The following LRMDA variants were observed in gnomAD, a reference collection of about 807,000 sequenced individuals.
LRMDA encodes leucine rich melanocyte differentiation associated, also known as leucine-rich melanocyte differentiation-associated protein.
In LRMDA, 18 loss-of-function variants were observed where a neutral mutation model predicts 29.8. The ratio of observed to expected loss-of-function variants is 0.60; its 90% CI spans 0.42 to 0.90. The LOEUF is 0.90. Ranked by LOEUF, LRMDA falls within the 40% of genes least tolerant of loss-of-function variation. The pLI is 0.00. For synonymous variants in LRMDA, 125 were observed against 109.4 expected (o/e 1.14, Z -0.89); for missense variants, 273 against 273.9 (o/e 1.00, Z 0.02).
chr10:75,837,742 A>G (rs886179893), intron 2 of LRMDA, among the ~76,000 whole-genome samples: 1 of 148,092 alleles, frequency 6.8e-6, no homozygotes, highest in African/African-American at 2.4e-5. Context: ...TTTACTATCT[A>G]CTATTTACAC....
chr10:75,471,368 G>A (rs966606882), intron 2 of LRMDA, among the ~76,000 whole-genome samples: 2 of 151,766 alleles, frequency 1.3e-5, no homozygotes, highest in African/African-American at 4.8e-5. Flanking sequence ...TGCATACATT[G>A]TAGGAGTTGG....
intron 2 of LRMDA, among the ~76,000 whole-genome samples, chr10:75,636,663 A>G (rs1841393587): frequency 6.6e-6 from 1 of 152,200 alleles, no homozygotes; most frequent in African/African-American, 2.4e-5. Context: ...TTCTTAATTC[A>G]TTAGGTGATA....
At chr10:75,808,624 C>T (rs747932384) in intron 2 of LRMDA, among the ~76,000 whole-genome samples, 5 of 152,174 alleles carry the variant, frequency 3.3e-5, no homozygotes, top group Admixed American at 6.5e-5. Context: ...ATTCTCCTCC[C>T]TCAGCCTCCT....
At chr10:75,621,037 C>A (rs1030154379) in intron 2 of LRMDA, among the ~76,000 whole-genome samples, 1 of 152,108 alleles carries the variant, frequency 6.6e-6, no homozygotes, top group Non-Finnish European at 1.5e-5. Flanking sequence ...CATTCTTATG[C>A]CTTTGTGTCC....
At chr10:76,287,082 T>C (rs1351440216) in intron 5 of LRMDA, among the ~76,000 whole-genome samples, 1 of 152,198 alleles carries the variant, frequency 6.6e-6, no homozygotes, top group Non-Finnish European at 1.5e-5. Flanking sequence ...AGAGATCTTC[T>C]GAAACTAGAA....
intron 6 of LRMDA, among the ~76,000 whole-genome samples, chr10:76,342,790 C>G (rs1471246074): frequency 6.6e-6 from 1 of 152,040 alleles, no homozygotes; most frequent in African/African-American, 2.4e-5. Flanking sequence ...CCAAAGCTGA[C>G]CCCAGAAGAG....
At chr10:76,092,851 A>C (rs1488019784) in intron 5 of LRMDA, among the ~76,000 whole-genome samples, 1 of 152,224 alleles carries the variant, frequency 6.6e-6, no homozygotes, top group Non-Finnish European at 1.5e-5. Context: ...ATCTTGAAGA[A>C]TGAAATAAAA....
intron 2 of LRMDA, among the ~76,000 whole-genome samples, chr10:75,643,717 T>G (rs1179714033): frequency 2.6e-5 from 4 of 152,222 alleles, no homozygotes; most frequent in African/African-American, 9.7e-5. Flanking sequence ...ATTAGAATGA[T>G]GCAATTCTTT....
intron 6 of LRMDA, among the ~76,000 whole-genome samples, chr10:76,532,189 C>A (rs554622390): frequency 1.3e-3 from 194 of 152,252 alleles, no homozygotes; most frequent in African/African-American, 4.3e-3. Context: ...CCCATACCCC[C>A]CGACAGGCCC....
chr10:75,838,347 A>G (rs923001691), intron 2 of LRMDA, among the ~76,000 whole-genome samples: 1 of 152,260 alleles, frequency 6.6e-6, no homozygotes, highest in Non-Finnish European at 1.5e-5. Context: ...TATAATTTCC[A>G]GTGATTCTGA....
intron 5 of LRMDA, chr10:76,318,408 T>C (rs1840727109): frequency 6.6e-6 from 1 of 152,274 alleles, no homozygotes; most frequent in South Asian, 2.1e-4. Flanking sequence ...CTCTGGGCCA[T>C]TGCCTTCAAA....
At chr10:76,140,401 C>T (rs1195123040) in intron 5 of LRMDA, among the ~76,000 whole-genome samples, 1 of 152,094 alleles carries the variant, frequency 6.6e-6, no homozygotes. Flanking sequence ...TGAATACCTA[C>T]CCAGTATATG....
At chr10:76,300,959 A>G (rs1840473010) in intron 5 of LRMDA, among the ~76,000 whole-genome samples, 1 of 152,176 alleles carries the variant, frequency 6.6e-6, no homozygotes, top group Non-Finnish European at 1.5e-5. Flanking sequence ...CTTAGTAACC[A>G]TTAGGCTCCT....
chr10:76,074,065 GA>G (rs1001304781), intron 5 of LRMDA, among the ~76,000 whole-genome samples: 1 of 151,872 alleles, frequency 6.6e-6, no homozygotes, highest in African/African-American at 2.4e-5. Flanking sequence ...CTTTGGGGAG[GA>G]AAAAAAGAGA....
chr10:75,538,580 A>C (rs1204234577), intron 2 of LRMDA, among the ~76,000 whole-genome samples: 2 of 151,650 alleles, frequency 1.3e-5, no homozygotes, highest in East Asian at 1.9e-4. Flanking sequence ...AAAATGTCTC[A>C]GATGGGCATT....
In LRMDA at chr10:76,559,845, C is replaced by A. The variant is rs1328165832; in HGVS notation, c.*2557C>A. 2 of 152,334 alleles carry A rather than the reference C, an allele frequency of 1.3e-5. No homozygotes were observed. Among genetic ancestry groups the A allele is most frequent in the East Asian group, 3.9e-4 (2 of 5,190 alleles). 9.4% of individuals were successfully genotyped at this position (152,334 alleles called of 1,614,324 possible). A position where few individuals can be genotyped will look rare whatever the true frequency, so the allele number is the denominator to read the frequency against. On this transcript the variant is annotated 3_prime_UTR_variant, in exon 7 of 7. Coordinates refer to ENST00000611255, the MANE Select transcript of LRMDA (RefSeq NM_001305581.2). ...TAGGACACTGACTTGAGTGGAGAGA[C>A]CTCGGCAATTCAAGGCTGTCCTGCA...
intron 6 of LRMDA, among the ~76,000 whole-genome samples, chr10:76,427,429 C>G (rs1186050654): frequency 6.6e-6 from 1 of 152,080 alleles, no homozygotes; most frequent in Non-Finnish European, 1.5e-5. Context: ...TATAAGAATG[C>G]TTGTGATTTT....
At chr10:75,586,033 A>G (rs1840651489) in intron 2 of LRMDA, among the ~76,000 whole-genome samples, 1 of 152,080 alleles carries the variant, frequency 6.6e-6, no homozygotes. Flanking sequence ...GGTGGGTAGT[A>G]GTCTATTGTA....
At chr10:75,633,353 A>G (rs1214994782) in intron 2 of LRMDA, among the ~76,000 whole-genome samples, 1 of 152,222 alleles carries the variant, frequency 6.6e-6, no homozygotes, top group Non-Finnish European at 1.5e-5. Flanking sequence ...TTGTTACTGC[A>G]GAAGCTGAGT....
Sources: allele counts gnomAD v4.1 joint callset (sites outside exome capture counted in the v4.1 genomes callset), GRCh38; gene constraint gnomAD v4.1.1; transcripts MANE v1.5; gene names NCBI Gene and HGNC (gene_info 2026-07-23, HGNC 2026-07-21).